Variants in GALNT7 observed in about 807,000 individuals in gnomAD.
The protein encoded by GALNT7 is N-acetylgalactosaminyltransferase 7.
GALNT7 carries 60 observed loss-of-function variants against 82.1 expected under a neutral mutation model. The ratio of observed to expected loss-of-function variants is 0.73; its 90% CI spans 0.59 to 0.91. The LOEUF is 0.91. Among genes scored for constraint, GALNT7 ranks in the 40% least tolerant of loss-of-function variants. The pLI is 0.00. For missense variants in GALNT7, 660 were observed against 804.2 expected, an observed-to-expected ratio of 0.82 and a Z score of 2.17; for synonymous variants, 243 against 275.1, an observed-to-expected ratio of 0.88 and a Z score of 1.15.
intron 2 of GALNT7, among the ~76,000 whole-genome samples, chr4:173,283,969 T>G (rs1736217664): frequency 6.6e-6 from 1 of 152,256 alleles, no homozygotes; most frequent in Non-Finnish European, 1.5e-5. Context: ...CCAAATTTTG[T>G]TCACAGGAGT....
intron 2 of GALNT7, chr4:173,268,365 T>G (rs925461492): frequency 6.6e-6 from 1 of 152,016 alleles, no homozygotes; most frequent in African/African-American, 2.4e-5. Context: ...GTGGATTTTC[T>G]GCACAGGACA....
intron 2 of GALNT7, among the ~76,000 whole-genome samples, chr4:173,269,159 C>G (rs59610063): frequency 6.6e-6 from 1 of 151,938 alleles, no homozygotes. Flanking sequence ...AACAGAGGCA[C>G]AGAACAAAAC....
intron 1 of GALNT7, among the ~76,000 whole-genome samples, chr4:173,170,498 A>T (rs1270645448): frequency 6.6e-6 from 1 of 152,222 alleles, no homozygotes; most frequent in East Asian, 1.9e-4. Context: ...TCTCTACAGC[A>T]GTGGAATCCC....
chr4:173,271,178 T>C (rs1307263409), intron 2 of GALNT7, among the ~76,000 whole-genome samples: 1 of 152,086 alleles, frequency 6.6e-6, no homozygotes, highest in Admixed American at 6.5e-5. Flanking sequence ...AAGTTGACAT[T>C]GTTGTTCTGG....
intron 1 of GALNT7, among the ~76,000 whole-genome samples, chr4:173,227,820 A>G (rs1733886310): frequency 6.6e-6 from 1 of 152,182 alleles, no homozygotes; most frequent in African/African-American, 2.4e-5. Flanking sequence ...TTTTAAAAAA[A>G]ATCGCTTAAG....
At chr4:173,171,102 A>G (rs1172640284) in intron 1 of GALNT7, among the ~76,000 whole-genome samples, 5 of 152,228 alleles carry the variant, frequency 3.3e-5, no homozygotes, top group African/African-American at 1.2e-4. Flanking sequence ...GAAGAGCAAG[A>G]AAGACCCTTT....
At chr4:173,182,444 G>A (rs138594940) in intron 1 of GALNT7, among the ~76,000 whole-genome samples, 178 of 152,040 alleles carry the variant, frequency 1.2e-3, no homozygotes, top group Admixed American at 5.6e-3. Flanking sequence ...TTGGAACAGT[G>A]GATTCCTTTC....
intron 1 of GALNT7, among the ~76,000 whole-genome samples, chr4:173,235,849 C>T (rs1461227487): frequency 4.6e-5 from 7 of 152,136 alleles, no homozygotes; most frequent in Non-Finnish European, 7.3e-5. Context: ...CCACCACGCC[C>T]GGCCACAAGA....
At chr4:173,218,526 G>A (rs919269971) in intron 1 of GALNT7, among the ~76,000 whole-genome samples, 3 of 152,016 alleles carry the variant, frequency 2.0e-5, no homozygotes, top group African/African-American at 7.2e-5. Flanking sequence ...GTGTGTGGGG[G>A]TGGGTGTTTT....
chr4:173,311,759 G>GT (rs1737393790), intron 8 of GALNT7, among the ~76,000 whole-genome samples: 2 of 152,160 alleles, frequency 1.3e-5, no homozygotes, highest in Admixed American at 1.3e-4. Context: ...TGAAATTTGG[G>GT]TAGGGACACA....
intron 2 of GALNT7, among the ~76,000 whole-genome samples, chr4:173,275,830 C>G (rs954414380): frequency 6.6e-6 from 1 of 152,194 alleles, no homozygotes; most frequent in South Asian, 2.1e-4. Flanking sequence ...ACCCTACACA[C>G]ATGGCAAACA....
intron 1 of GALNT7, among the ~76,000 whole-genome samples, chr4:173,198,349 TGAGCCACCGCG>T (rs1579903029): frequency 6.6e-6 from 1 of 151,834 alleles, no homozygotes; most frequent in Non-Finnish European, 1.5e-5. Context: ...ATTACAGGCG[TGAGCCACCGCG>T]CCCGGCCTGG....
intron 1 of GALNT7, among the ~76,000 whole-genome samples, chr4:173,190,425 A>G (rs911566977): frequency 2.0e-5 from 3 of 152,298 alleles, no homozygotes; most frequent in African/African-American, 7.2e-5. Flanking sequence ...GCTACAAGGT[A>G]ATACCGTATA....
chr4:173,273,993 C>CT (rs560306664), intron 2 of GALNT7, among the ~76,000 whole-genome samples: 8 of 152,096 alleles, frequency 5.3e-5, no homozygotes, highest in Admixed American at 1.3e-4. Flanking sequence ...GTTTGATAAG[C>CT]TGGTACTTCT....
chr4:173,266,597 T>C (rs1335785825), intron 2 of GALNT7, among the ~76,000 whole-genome samples: 2 of 152,210 alleles, frequency 1.3e-5, no homozygotes, highest in African/African-American at 4.8e-5. Context: ...GGTAACTCTT[T>C]TTAAATGTGG....
chr4:173,190,398 G>A (rs1233557985), intron 1 of GALNT7, among the ~76,000 whole-genome samples: 1 of 152,204 alleles, frequency 6.6e-6, no homozygotes, highest in Non-Finnish European at 1.5e-5. Flanking sequence ...AGGATATTGG[G>A]AGGAATCGTA....
At chr4:173,293,046 T>C (rs1736598278) in intron 3 of GALNT7, among the ~76,000 whole-genome samples, 1 of 152,188 alleles carries the variant, frequency 6.6e-6, no homozygotes, top group Admixed American at 6.5e-5. Context: ...AATGATACTG[T>C]TGGTACAATA....
At position 173,301,969 on chromosome 4, in the gene GALNT7, T is replaced by C. The variant is rs990892756; in HGVS notation, c.1149-78T>C. The C allele has an allele frequency of 1.4e-5, 10 of 733,634 alleles. No homozygotes were observed. In the Admixed American group the frequency reaches 2.2e-4, roughly 16 times the overall value. The allele number at this position is 733,634 out of a possible 1,614,324, so 45.4% of individuals were successfully genotyped here. On this transcript the variant is annotated intron_variant, in intron 6 of 11. Coordinates refer to ENST00000265000, the MANE Select transcript of GALNT7 (RefSeq NM_017423.3). ...TTCTATGCATTTTCAGGCTGTATTC[T>C]ACAAGGCTTCTTGCCTATTGGTGAA... is the stretch of plus-strand genomic sequence containing the variant.
chr4:173,310,301 A>C (rs1295082563), intron 8 of GALNT7, among the ~76,000 whole-genome samples: 1 of 152,216 alleles, frequency 6.6e-6, no homozygotes, highest in Non-Finnish European at 1.5e-5. Context: ...TTAGGGAGGC[A>C]TGTAGAGTTG....
Sources: gnomAD v4.1 joint callset for allele counts (sites outside exome capture counted in the v4.1 genomes callset) on GRCh38, gnomAD v4.1.1 for gene constraint, MANE v1.5 for transcripts, NCBI Gene and HGNC (gene_info 2026-07-23, HGNC 2026-07-21) for gene names.